The following EIF2AK1 variants were observed in gnomAD, a reference collection of about 807,000 sequenced individuals.
The protein encoded by EIF2AK1 is eukaryotic translation initiation factor 2 alpha kinase 1.
In EIF2AK1, 54 loss-of-function variants were observed where a neutral mutation model predicts 77.9. The observed-to-expected ratio is 0.69, with a 90% CI of 0.56 to 0.87. The LOEUF (loss-of-function observed/expected upper bound fraction) is 0.87, where lower values mean the gene tolerates loss of function less well. Among genes scored for constraint, EIF2AK1 ranks in the 40% least tolerant of loss-of-function variants. The pLI, the probability that EIF2AK1 is intolerant of heterozygous loss-of-function variation, is 0.00. For missense variants in EIF2AK1, 810 were observed against 768.6 expected, an observed-to-expected ratio of 1.05 and a Z score of -0.64; for synonymous variants, 314 against 290.5, an observed-to-expected ratio of 1.08 and a Z score of -0.82.
At chr7:6,048,504 A>G (rs936823508) in intron 4 of EIF2AK1, among the ~76,000 whole-genome samples, 2 of 152,236 alleles carry the variant, frequency 1.3e-5, no homozygotes, top group Admixed American at 6.5e-5. Context: ...CAGACCAGTT[A>G]GATTTTAAAC....
rs375075878 is a variant in EIF2AK1, at chr7:6,049,325, C to T, written c.412-481G>A. Among the ~76,000 whole-genome samples the T allele has an allele frequency of 1.5e-4, 23 of 152,258 alleles. No individual in the cohort carries two copies. In the East Asian group the frequency reaches 3.3e-3, roughly 22 times the overall value. Reference sequence around the variant, plus strand: ...TTGGGAGGCCAAGGCAGGCACATCACGAGGTCAGGAGTTCGAGACCAGCCT... The same window carrying T: ...TTGGGAGGCCAAGGCAGGCACATCATGAGGTCAGGAGTTCGAGACCAGCCT... On this transcript the variant is annotated intron_variant, in intron 3 of 14. Coordinates refer to ENST00000199389, the MANE Select transcript of EIF2AK1 (RefSeq NM_014413.4).
At chr7:6,054,980 AG>A (rs2128892264) in intron 1 of EIF2AK1, among the ~76,000 whole-genome samples, 1 of 152,294 alleles carries the variant, frequency 6.6e-6, no homozygotes, top group East Asian at 1.9e-4. Flanking sequence ...TCAATACGCA[AG>A]GAAGTGGGAC....
Position 6,048,829 on chromosome 7 carries a change from T to C in EIF2AK1, c.427A>G (p.Ile143Val), listed in dbSNP as rs1395329368. 2 of 1,589,322 alleles carry C rather than the reference T, an allele frequency of 1.3e-6. No individual in the cohort carries two copies. The highest frequency in any genetic ancestry group is 4.5e-5 in the East Asian group (2 of 44,250). ...ERVRQDPCEDISRIQKIRSRE... is the reference protein window; with the variant it reads ...ERVRQDPCEDVSRIQKIRSRE... Reference sequence around the variant, plus strand: ...TACCTGATTTTCTGGATACGAGAAATATCCTCACAAGGATCCTACAATTAA... The same window carrying C: ...TACCTGATTTTCTGGATACGAGAAACATCCTCACAAGGATCCTACAATTAA... Residue 143 changes from isoleucine to valine, a missense_variant, in exon 4 of 15, where the codon ATT becomes GTT. This residue lies in a region of EIF2AK1 where 246 missense variants were observed against 199.0 expected (regional missense o/e 1.24). Coordinates refer to ENST00000199389, the MANE Select transcript of EIF2AK1 (RefSeq NM_014413.4).
At position 6,027,103 on chromosome 7, in the gene EIF2AK1, G is replaced by A. The variant is rs1008853968; in HGVS notation, c.1531-142C>T. On this transcript the variant is annotated intron_variant, in intron 13 of 14. Coordinates refer to ENST00000199389, the MANE Select transcript of EIF2AK1 (RefSeq NM_014413.4). This position sits in a 1 kb window ranked among gnomAD's most constrained non-coding sequence, Gnocchi z 4.5. ...CACCCACAAGGAAGGGAACAGAGCA[G>A]GATAGCTCATCAGTGACAGGGACTT... The A allele has an allele frequency of 6.2e-5, 43 of 691,600 alleles. No homozygotes were observed. In the Admixed American group the frequency reaches 8.3e-4, roughly 13 times the overall value. The allele number at this position is 691,600 out of a possible 1,614,324, so 42.8% of individuals were successfully genotyped here.
In EIF2AK1 at chr7:6,027,232, C is replaced by CAACTGTTA. The variant is rs1271056900; in HGVS notation, c.1531-272_1531-271insTAACAGTT. ...GCAGTCACGACCATACAACTGTCTT[C>CAACTGTTA]AGCACCCCTTAACAATCCAGGCCTG... is the stretch of plus-strand genomic sequence containing the variant. On this transcript the variant is annotated intron_variant, in intron 13 of 14. Transcript: ENST00000199389. The surrounding 1 kb of genome is among the most constrained non-coding windows in gnomAD (Gnocchi z 4.5). 6.6e-6 allele frequency among the ~76,000 whole-genome samples: 1 copy of CAACTGTTA among 152,200 alleles called. No individual in the cohort carries two copies. Among genetic ancestry groups the CAACTGTTA allele is most frequent in the Non-Finnish European group, 1.5e-5 (1 of 68,034 alleles).
chr7:6,033,967 A>G lies in EIF2AK1; in HGVS notation c.1332+3457T>C, dbSNP rs2128886981. 6.6e-6 allele frequency among the ~76,000 whole-genome samples: 1 copy of G among 152,042 alleles called. No individual in the cohort carries two copies. The highest frequency in any genetic ancestry group is 1.9e-4 in the East Asian group (1 of 5,146). On this transcript the variant is annotated intron_variant, in intron 11 of 14. Transcript: ENST00000199389. The surrounding 1 kb of genome is among the most constrained non-coding windows in gnomAD (Gnocchi z 4.4). ...CACTGTATCTCCAGCACCTCAACCAAATCAATGCCTGACACTTAGCACGTG... is the reference window on the plus strand; with the variant it reads ...CACTGTATCTCCAGCACCTCAACCAGATCAATGCCTGACACTTAGCACGTG...
Position 6,023,852 on chromosome 7 carries a change from A to C in EIF2AK1, c.*821T>G, listed in dbSNP as rs1787655616. On this transcript the variant is annotated 3_prime_UTR_variant, in exon 15 of 15. Transcript: ENST00000199389. ...GTAATTTATGGTTTTCATTTTATTT[A>C]AAATTCAGCAAAATCATACGCCATC... 1 of 1,546,212 alleles carries C rather than the reference A, an allele frequency of 6.5e-7. No homozygotes were observed. Among genetic ancestry groups the C allele is most frequent in the African/African-American group, 1.4e-5 (1 of 72,992 alleles).
chr7:6,045,067 C>A (rs1278273474), intron 6 of EIF2AK1, among the ~76,000 whole-genome samples: 1 of 150,828 alleles, frequency 6.6e-6, no homozygotes, highest in Admixed American at 6.6e-5. Context: ...GTAATGAAAA[C>A]TCCTCTGTAC....
At chr7:6,046,926 T>C in intron 5 of EIF2AK1, 66 bp downstream of exon 5, 1 of 1,370,178 alleles carries the variant, frequency 7.3e-7, no homozygotes, top group Non-Finnish European at 1.0e-6. Context: ...AAAAGAATAA[T>C]GAAAACAATA....
At chr7:6,025,208 T>A (rs2128884196) in intron 14 of EIF2AK1, among the ~76,000 whole-genome samples, 1 of 152,306 alleles carries the variant, frequency 6.6e-6, no homozygotes, top group African/African-American at 2.4e-5. Context: ...TAAATAACTA[T>A]GGTCTCTAAT....
chr7:6,056,613 A>ATATATATATATATATATATAT (rs1554324681), intron 1 of EIF2AK1, among the ~76,000 whole-genome samples: 23 of 43,718 alleles, frequency 5.3e-4, no homozygotes, highest in South Asian at 8.1e-4. Flanking sequence ...AAAAAAAAAA[A>ATATATATATATATATATATAT]ATATATATAT....
Position 6,033,045 on chromosome 7 carries a change from T to A in EIF2AK1, c.1333-4013A>T. The A allele has an allele frequency of 1.1e-6, 1 of 891,032 alleles. No individual in the cohort carries two copies. The highest frequency in any genetic ancestry group is 2.9e-5 in the East Asian group (1 of 34,228). The allele number at this position is 891,032 out of a possible 1,614,324, so 55.2% of individuals were successfully genotyped here. A position where few individuals can be genotyped will look rare whatever the true frequency, so the allele number is the denominator to read the frequency against. ...GTGCAATGGCACAATCTCGCCTCAC[T>A]GCAACCTCTACTTCCTGGGTTCAAG... On this transcript the variant is annotated intron_variant, in intron 11 of 14. Transcript: ENST00000199389. This position sits in a 1 kb window ranked among gnomAD's most constrained non-coding sequence, Gnocchi z 4.4.
chr7:6,052,171 CAAAAA>C (rs397779941), intron 2 of EIF2AK1, among the ~76,000 whole-genome samples: 2 of 90,730 alleles, frequency 2.2e-5, no homozygotes. Context: ...GACTCCTTAT[CAAAAA>C]AAAAAAAAAA....
At position 6,038,448 on chromosome 7, in the gene EIF2AK1, A is replaced by C. The variant is rs3847023; in HGVS notation, c.1231+112T>G. 8,669 of 683,226 alleles carry C rather than the reference A, an allele frequency of 0.013. 565 individuals are homozygous for C. The African/African-American group carries it at 0.14, about 11-fold the overall frequency. The allele number at this position is 683,226 out of a possible 1,614,324, so 42.3% of individuals were successfully genotyped here. ...AGCAAAGCTCTGTCTCAAAAAAATA[A>C]AATAAATAAAAAATAAAAATGAAAA... On this transcript the variant is annotated intron_variant, in intron 10 of 14. Coordinates refer to ENST00000199389, the MANE Select transcript of EIF2AK1 (RefSeq NM_014413.4).
At chr7:6,031,545 T>C (rs960937681) in intron 11 of EIF2AK1, 4 of 1,550,612 alleles carry the variant, frequency 2.6e-6, no homozygotes, top group Middle Eastern at 1.7e-4. Context: ...AACCAGCCCA[T>C]CACCATTCTG....
At chr7:6,031,664 G>T in intron 11 of EIF2AK1, 1 of 1,447,036 alleles carries the variant, frequency 6.9e-7, no homozygotes. Flanking sequence ...TCTAAAGCTG[G>T]TGAACCCACT....
intron 1 of EIF2AK1, among the ~76,000 whole-genome samples, chr7:6,057,037 A>C (rs80025672): frequency 0.036 from 5,517 of 152,012 alleles, 338 homozygotes; most frequent in African/African-American, 0.13. Flanking sequence ...TCACGCCTAC[A>C]ATCCTAGCAC....
At position 6,035,338 on chromosome 7, in the gene EIF2AK1, G is replaced by T; in HGVS notation, c.1332+2086C>A. 1 of 1,092,190 alleles carries T rather than the reference G, an allele frequency of 9.2e-7. No homozygotes were observed. The highest frequency in any genetic ancestry group is 1.7e-5 in the South Asian group (1 of 60,586). The allele number at this position is 1,092,190 out of a possible 1,614,324, so 67.7% of individuals were successfully genotyped here. A position where few individuals can be genotyped will look rare whatever the true frequency, so the allele number is the denominator to read the frequency against. The stretch of plus-strand genomic sequence containing the variant: ...TTTGAAACACGTCCTTAAGGTAATT[G>T]AAGGGTCTTACTTTAAATAAATACT... On this transcript the variant is annotated intron_variant, in intron 11 of 14. Coordinates refer to ENST00000199389, the MANE Select transcript of EIF2AK1 (RefSeq NM_014413.4). The surrounding 1 kb of genome is among the most constrained non-coding windows in gnomAD (Gnocchi z 5.5).
rs938371838 is a variant in EIF2AK1 at position 6,024,867 on chromosome 7, C to T, written c.1765-66G>A. On this transcript the variant is annotated intron_variant, in intron 14 of 14. Coordinates refer to ENST00000199389, the MANE Select transcript of EIF2AK1 (RefSeq NM_014413.4). ...TTTTTTTTTTTTTTTGAGACAGAGT[C>T]TCGCTCTGTCGCCCAGGCTGGAGTA... 6 of 1,193,880 alleles carry T rather than the reference C, an allele frequency of 5.0e-6. No individual in the cohort carries two copies. In the Middle Eastern group the frequency reaches 7.2e-4, roughly 142 times the overall value. 74.0% of individuals were successfully genotyped at this position (1,193,880 alleles called of 1,614,324 possible).
Sources: allele counts gnomAD v4.1 joint callset (sites outside exome capture counted in the v4.1 genomes callset), GRCh38; gene constraint gnomAD v4.1.1; regional missense constraint gnomAD v4.1.1; non-coding constraint Gnocchi (gnomAD v3.1); transcripts MANE v1.5; gene names NCBI Gene and HGNC (gene_info 2026-07-23, HGNC 2026-07-21).